The following PGA5 variants were observed in gnomAD, a reference collection of about 807,000 sequenced individuals.
PGA5 encodes pepsin A-5.
PGA5 carries 19 observed loss-of-function variants against 15.9 expected under a neutral mutation model. The ratio of observed to expected loss-of-function variants is 1.19; its 90% CI spans 0.83 to 1.75. PGA5 has a LOEUF of 1.75. Ranked by LOEUF, PGA5 falls within the 40% of genes most tolerant of loss-of-function variation. The pLI, the probability that PGA5 is intolerant of heterozygous loss-of-function variation, is 0.00. For missense variants in PGA5, 224 were observed against 246.4 expected (o/e 0.91, Z 0.61); for synonymous variants, 92 against 95.8 (o/e 0.96, Z 0.23).
At chr11:61,246,512 T>G (rs541972479) in intron 5 of PGA5, among the ~76,000 whole-genome samples, 20 of 151,870 alleles carry the variant, frequency 1.3e-4, no homozygotes, top group African/African-American at 4.6e-4. Flanking sequence ...TCCCAGCACT[T>G]TGGGATTACA....
chr11:61,250,996 C>A (rs548816718), intron 8 of PGA5, 136 bp from the exon 9 acceptor site: 15 of 1,544,390 alleles, frequency 9.7e-6, no homozygotes, highest in Non-Finnish European at 1.3e-5. Flanking sequence ...ACAGCCGAAT[C>A]CCTGGACACT....
chr11:61,246,109 TG>T lies in PGA5; in HGVS notation c.622del (p.Val208PhefsTer20). The T allele has an allele frequency of 2.3e-6, 1 of 434,634 alleles. No individual in the cohort carries two copies. Among genetic ancestry groups the T allele is most frequent in the Non-Finnish European group, 3.9e-6 (1 of 255,240 alleles). 26.9% of individuals were successfully genotyped at this position (434,634 alleles called of 1,614,324 possible). ...PVFDNIWNQGLVSQDLFSVYL... is the reference protein window; with the variant it reads ...PVFDNIWNQGXVSQDLFSVYL... ...TTTGACAACATCTGGAACCAGGGCC[TG>T]GTTTCTCAGGACCTCTTCTCTGTCT... is the stretch of plus-strand genomic sequence containing the variant. On this transcript the variant is annotated frameshift_variant, in exon 5 of 9. Coordinates refer to ENST00000312403, the MANE Select transcript of PGA5 (RefSeq NM_014224.5). LOFTEE classifies it high-confidence loss of function.
chr11:61,248,340 G>A (rs772924984), intron 5 of PGA5, 79 bp from the exon 6 acceptor site: 38 of 1,613,776 alleles, frequency 2.4e-5, no homozygotes, highest in Admixed American at 5.0e-5. Flanking sequence ...ATCAACGGTC[G>A]CTCTGAGGAG....
intron 8 of PGA5, 60 bp downstream of exon 8, chr11:61,250,074 C>T: frequency 1.9e-6 from 3 of 1,576,468 alleles, no homozygotes; most frequent in Non-Finnish European, 2.6e-6. Context: ...CACAGAGTCC[C>T]CTTCTGCAGA....
chr11:61,249,536 C>T lies in PGA5; in HGVS notation c.774-133C>T, dbSNP rs532155485. 6.1e-5 allele frequency: 92 copies of T among 1,512,400 alleles called. 1 individual carries two copies. The highest frequency in any genetic ancestry group is 1.9e-4 in the Middle Eastern group (1 of 5,210). 93.7% of individuals were successfully genotyped at this position (1,512,400 alleles called of 1,614,324 possible). On this transcript the variant is annotated intron_variant, in intron 6 of 8. Transcript: ENST00000312403. ...AATGCGGGATGAATGAGTGCGTGAA[C>T]GAGAGGAACAGAAATTTCACGCATT...
rs995538192 is a variant in PGA5, at chr11:61,250,794, A to G, written c.1018-338A>G. On this transcript the variant is annotated intron_variant, in intron 8 of 8. Coordinates refer to ENST00000312403, the MANE Select transcript of PGA5 (RefSeq NM_014224.5). The stretch of plus-strand genomic sequence containing the variant: ...CTGGTTTGTCCCTGATGAGATAAGA[A>G]TAATAATGAGAAAAGGATGTAGTGG... The G allele has an allele frequency of 1.5e-5, 8 of 538,576 alleles. 1 individual carries two copies. The highest frequency in any genetic ancestry group is 3.8e-5 in the African/African-American group (2 of 52,728). 33.4% of individuals were successfully genotyped at this position (538,576 alleles called of 1,614,324 possible).
chr11:61,251,174 C>T lies in PGA5; in HGVS notation c.1060C>T (p.Pro354Ser), dbSNP rs1221363196. 1 of 1,611,600 alleles carries T rather than the reference C, an allele frequency of 6.2e-7. No homozygotes were observed. The highest frequency in any genetic ancestry group is 1.3e-5 in the African/African-American group (1 of 74,614). The change falls in exon 9 of 9, where the codon CCC (proline) becomes TCC (serine). Residue 354 changes from proline to serine, a missense_variant. By Grantham distance (74) the Pro-to-Ser change is moderately conservative. Transcript: ENST00000312403. Reference sequence around the variant, plus strand: ...CAGTGGCTTCCAGGGCATGAACGTCCCCACCGAATCTGGAGAGCTTTGGAT... The same window carrying T: ...CAGTGGCTTCCAGGGCATGAACGTCTCCACCGAATCTGGAGAGCTTTGGAT... ...CISGFQGMNV[P>S]TESGELWILG...
Position 61,251,170 on chromosome 11 carries a change from C to T in PGA5, c.1056C>T (p.Asn352=), listed in dbSNP as rs12280940. 34,974 of 1,611,480 alleles carry T rather than the reference C, an allele frequency of 0.022. 3,273 individuals are homozygous for T. The African/African-American group carries it at 0.28, about 13-fold the overall frequency. ...GCATCAGTGGCTTCCAGGGCATGAA[C>T]GTCCCCACCGAATCTGGAGAGCTTT... The part of the protein sequence containing the change: ...GSCISGFQGM[N]VPTESGELWI... The change falls in exon 9 of 9, where the codon AAC becomes AAT. Residue 352 remains asparagine, a synonymous_variant. Coordinates refer to ENST00000312403, the MANE Select transcript of PGA5 (RefSeq NM_014224.5).
chr11:61,248,030 C>T, intron 5 of PGA5: 1 of 600,558 alleles, frequency 1.7e-6, no homozygotes, highest in Non-Finnish European at 3.0e-6. Flanking sequence ...CAGTGACCTC[C>T]ACCCTCAAGT....
chr11:61,249,499 G>C (rs1307616210), intron 6 of PGA5, 170 bp from the exon 7 acceptor site: 34 of 1,290,784 alleles, frequency 2.6e-5, no homozygotes, highest in Non-Finnish European at 4.3e-6. Context: ...GGAAATATTT[G>C]TAGGGTAAAT....
intron 5 of PGA5, chr11:61,248,184 C>T (rs748618133): frequency 2.1e-6 from 2 of 931,478 alleles, no homozygotes; most frequent in Non-Finnish European, 3.5e-6. Flanking sequence ...GCTGTGTGAC[C>T]TTGGGCAGGT....
intron 6 of PGA5, among the ~76,000 whole-genome samples, chr11:61,248,950 G>C (rs1184145010): frequency 6.6e-6 from 1 of 152,108 alleles, no homozygotes; most frequent in African/African-American, 2.4e-5. Flanking sequence ...GAAATTGTGT[G>C]AAGTCACTTC....
chr11:61,250,882 A>T (rs1854131612), intron 8 of PGA5, among the ~76,000 whole-genome samples: 1 of 151,966 alleles, frequency 6.6e-6, no homozygotes, highest in Non-Finnish European at 1.5e-5. Context: ...ACCGATGCTG[A>T]TGTCAGGGTT....
intron 5 of PGA5, chr11:61,248,110 G>A (rs957247896): frequency 9.9e-5 from 66 of 667,044 alleles, no homozygotes; most frequent in Middle Eastern, 2.6e-4. Flanking sequence ...GGGTACCACG[G>A]TGGAAACCAC....
At chr11:61,247,127 G>T (rs1854075142) in intron 5 of PGA5, among the ~76,000 whole-genome samples, 1 of 151,962 alleles carries the variant, frequency 6.6e-6, no homozygotes, top group Non-Finnish European at 1.5e-5. Flanking sequence ...TCTTGAAAGG[G>T]TTCGCCGTCA....
Position 61,248,458 on chromosome 11 carries a change from T to C in PGA5, c.696T>C (p.Ile232=). 1 of 1,613,778 alleles carries C rather than the reference T, an allele frequency of 6.2e-7. No individual in the cohort carries two copies. The change falls in exon 6 of 9, where the codon ATT becomes ATC. Residue 232 remains isoleucine, a synonymous_variant. Transcript: ENST00000312403. The part of the protein sequence containing the change: ...KSGSVVIFGG[I]DSSYYTGSLN... ...GCAGCGTGGTGATCTTTGGTGGCAT[T>C]GACTCTTCTTACTACACTGGAAGTC...
At chr11:61,248,109 G>C (rs924465827) in intron 5 of PGA5, 66 of 663,602 alleles carry the variant, frequency 9.9e-5, no homozygotes, top group Middle Eastern at 2.6e-4. Flanking sequence ...TGGGTACCAC[G>C]GTGGAAACCA....
rs1332163131 is a variant in PGA5 at position 61,245,941 on chromosome 11, C to T, written c.457-5C>T. 4 of 224,484 alleles carry T rather than the reference C, an allele frequency of 1.8e-5. No individual in the cohort carries two copies. The East Asian group carries it at 3.6e-4, about 20-fold the overall frequency. The allele number at this position is 224,484 out of a possible 1,614,324, so 13.9% of individuals were successfully genotyped here. On this transcript the variant is annotated splice_region_variant and splice_polypyrimidine_tract_variant and intron_variant, in intron 4 of 8. Transcript: ENST00000312403. ...GGTGAACATCATCTCGGTTTCCCCACCCAGGTTGGAGGCATCTCTGACACC... is the reference window on the plus strand; with the variant it reads ...GGTGAACATCATCTCGGTTTCCCCATCCAGGTTGGAGGCATCTCTGACACC...
At chr11:61,249,643 G>T in intron 6 of PGA5, 26 bp from the exon 7 acceptor site, 1 of 1,613,626 alleles carries the variant, frequency 6.2e-7, no homozygotes, top group Non-Finnish European at 8.5e-7. Flanking sequence ...AGGGCTCAGG[G>T]AGCTTAACTT....
Sources: allele counts gnomAD v4.1 joint callset (sites outside exome capture counted in the v4.1 genomes callset), GRCh38; gene constraint gnomAD v4.1.1; transcripts MANE v1.5; gene names NCBI Gene and HGNC (gene_info 2026-07-23, HGNC 2026-07-21).